INPP5A: variants seen among roughly 807,000 people sequenced by gnomAD.
INPP5A encodes the protein 43 kDa inositol polyphosphate 5-phophatase.
INPP5A carries 14 observed loss-of-function variants against 65.2 expected under a neutral mutation model. The ratio of observed to expected loss-of-function variants is 0.21; its 90% confidence interval spans 0.14 to 0.34. The LOEUF (loss-of-function observed/expected upper bound fraction) is 0.34. Among genes scored for constraint, INPP5A ranks in the 10% least tolerant of loss-of-function variants. The pLI, the probability that INPP5A is intolerant of heterozygous loss-of-function variation, is 1.00. For missense variants in INPP5A, 431 were observed against 545.6 expected (o/e 0.79, Z 2.09); for synonymous variants, 207 against 208.3 (o/e 0.99, Z 0.05).
rs2072999301 is a variant in INPP5A, at chr10:132,678,440, C to T, written c.307-11952C>T. ...TCAAAACAAGGTGTCTTGGGACTTG[C>T]CTTTGTGATAGGGTTAAATGTGTGA... On this transcript the variant is annotated intron_variant, in intron 4 of 15. Coordinates refer to ENST00000368594, the MANE Select transcript of INPP5A (RefSeq NM_005539.5). The surrounding 1 kb of genome is among the most constrained non-coding windows in gnomAD (Gnocchi z 4.1). Among the ~76,000 whole-genome samples, 4 of 152,076 alleles carry T rather than the reference C, an allele frequency of 2.6e-5. No homozygotes were observed. In the South Asian group the frequency reaches 6.3e-4, roughly 24 times the overall value.
intron 1 of INPP5A, among the ~76,000 whole-genome samples, chr10:132,572,274 C>CTGGCAAGATGCCCCTGG (rs201503388): frequency 1.4e-4 from 21 of 152,268 alleles, no homozygotes; most frequent in Middle Eastern, 3.4e-3. Context: ...AGTTTCTCAG[C>CTGGCAAGATGCCCCTGG]TGGCAAGATG....
At chr10:132,768,381 G>A (rs1319120629) in intron 12 of INPP5A, among the ~76,000 whole-genome samples, 4 of 151,186 alleles carry the variant, frequency 2.6e-5, no homozygotes, top group East Asian at 3.9e-4. Flanking sequence ...GTGCTCACGC[G>A]CCCAGTGGCA....
rs1419004874 is a variant in INPP5A, at chr10:132,651,451, G to C, written c.306+946G>C. On this transcript the variant is annotated intron_variant, in intron 4 of 15. Coordinates refer to ENST00000368594, the MANE Select transcript of INPP5A (RefSeq NM_005539.5). The surrounding 1 kb of genome is among the most constrained non-coding windows in gnomAD (Gnocchi z 5.0). ...TCTCCCCCGTCTCTGGGGAGGCCCT[G>C]GGTCCCCCGGCTTGGGTCCATCTCC... 6.8e-6 allele frequency among the ~76,000 whole-genome samples: 1 copy of C among 147,410 alleles called. No individual in the cohort carries two copies. Among genetic ancestry groups the C allele is most frequent in the Non-Finnish European group, 1.5e-5 (1 of 66,190 alleles).
At chr10:132,763,526 T>C (rs1381591128) in intron 11 of INPP5A, among the ~76,000 whole-genome samples, 1 of 151,968 alleles carries the variant, frequency 6.6e-6, no homozygotes, top group Non-Finnish European at 1.5e-5. Context: ...CATAAACACG[T>C]GCCTGCATGC....
intron 1 of INPP5A, among the ~76,000 whole-genome samples, chr10:132,606,867 AC>A (rs2133339345): frequency 6.6e-6 from 1 of 152,182 alleles, no homozygotes; most frequent in South Asian, 2.1e-4. Context: ...TAAATTTACC[AC>A]CTTAACCGTT....
chr10:132,730,874 CTTCAT>C (rs775464805), intron 9 of INPP5A, among the ~76,000 whole-genome samples: 4 of 152,228 alleles, frequency 2.6e-5, no homozygotes, highest in Non-Finnish European at 4.4e-5. Flanking sequence ...CGATTTTTCA[CTTCAT>C]TTCATTTTAA....
chr10:132,671,960 CAG>C (rs1228839818), intron 4 of INPP5A, among the ~76,000 whole-genome samples: 9 of 152,240 alleles, frequency 5.9e-5, no homozygotes, highest in Admixed American at 1.3e-4. Flanking sequence ...GGGTGGTGCT[CAG>C]GGTGGACAGC....
intron 1 of INPP5A, among the ~76,000 whole-genome samples, chr10:132,573,766 G>GGT (rs1225341972): frequency 8.9e-6 from 1 of 112,436 alleles, no homozygotes; most frequent in African/African-American, 3.7e-5. Context: ...GAGATGTTGG[G>GGT]GTGTGTGTGC....
Position 132,614,789 on chromosome 10 carries a change from A to G in INPP5A, c.117+6833A>G, listed in dbSNP as rs75594105. On this transcript the variant is annotated intron_variant, in intron 2 of 15. Transcript: ENST00000368594. Reference sequence around the variant, plus strand: ...CAAGGAGAGGACTCCATCCCCATGAATGCAATCAGTGCCCTGAAAGAAGAG... The same window carrying G: ...CAAGGAGAGGACTCCATCCCCATGAGTGCAATCAGTGCCCTGAAAGAAGAG... 1.1e-3 allele frequency among the ~76,000 whole-genome samples: 175 copies of G among 152,352 alleles called. 3 individuals are homozygous for G. The East Asian group carries it at 0.031, about 27-fold the overall frequency.
chr10:132,589,491 C>T (rs1428034791), intron 1 of INPP5A, among the ~76,000 whole-genome samples: 2 of 152,276 alleles, frequency 1.3e-5, no homozygotes, highest in Non-Finnish European at 2.9e-5. Context: ...CCCTCCTGTC[C>T]TTCCTCAGGC....
intron 4 of INPP5A, among the ~76,000 whole-genome samples, chr10:132,689,698 A>G (rs751014849): frequency 6.6e-6 from 1 of 152,254 alleles, no homozygotes; most frequent in Non-Finnish European, 1.5e-5. Context: ...TGTAGAAAAT[A>G]CCACGTGAAA....
At position 132,644,489 on chromosome 10, in the gene INPP5A, G is replaced by T. The variant is rs2072467207; in HGVS notation, c.118-1379G>T. ...GTCGTCCCTTGCTGGCTGCCCACTTGCTCAGCTGCGCCCTGGACCGTGGCC... is the reference window on the plus strand; with the variant it reads ...GTCGTCCCTTGCTGGCTGCCCACTTTCTCAGCTGCGCCCTGGACCGTGGCC... On this transcript the variant is annotated intron_variant, in intron 2 of 15. Coordinates refer to ENST00000368594, the MANE Select transcript of INPP5A (RefSeq NM_005539.5). This position sits in a 1 kb window ranked among gnomAD's most constrained non-coding sequence, Gnocchi z 6.5. 6.6e-6 allele frequency among the ~76,000 whole-genome samples: 1 copy of T among 152,244 alleles called. No individual in the cohort carries two copies. Among genetic ancestry groups the T allele is most frequent in the African/African-American group, 2.4e-5 (1 of 41,452 alleles).
At chr10:132,760,142 C>T (rs1846705749) in intron 11 of INPP5A, among the ~76,000 whole-genome samples, 2 of 152,246 alleles carry the variant, frequency 1.3e-5, no homozygotes, top group South Asian at 2.1e-4. Context: ...CCTCTGCTCA[C>T]ATGCCCAGCC....
chr10:132,733,740 G>A (rs966104368), intron 9 of INPP5A, among the ~76,000 whole-genome samples: 7 of 152,128 alleles, frequency 4.6e-5, no homozygotes, highest in Admixed American at 1.3e-4. Flanking sequence ...GCGTGTGAAC[G>A]GGGTGATATT....
chr10:132,664,450 CACCTG>C (rs1477722173), intron 4 of INPP5A, among the ~76,000 whole-genome samples: 6 of 152,238 alleles, frequency 3.9e-5, no homozygotes, highest in African/African-American at 1.4e-4. Context: ...GCCTGGAGGG[CACCTG>C]ACCTGCTCTT....
At chr10:132,648,609 C>A (rs1237217510) in intron 3 of INPP5A, among the ~76,000 whole-genome samples, 2 of 152,196 alleles carry the variant, frequency 1.3e-5, no homozygotes, top group Admixed American at 1.3e-4. Context: ...TGAAAAAGGT[C>A]TTTGTCCTCA....
rs1315788697 is a variant in INPP5A, at chr10:132,698,822, GAGCTGT to G, written c.474+904_474+909del. On this transcript the variant is annotated intron_variant, in intron 6 of 15. Transcript: ENST00000368594. This position sits in a 1 kb window ranked among gnomAD's most constrained non-coding sequence, Gnocchi z 5.5. Reference sequence around the variant, plus strand: ...TTGCTCTGCGGTCCTGTCTCCACGAGAGCTGTGCAGGCTGAGGCTGCTACGGAGCTG... The same window carrying G: ...TTGCTCTGCGGTCCTGTCTCCACGAGGCAGGCTGAGGCTGCTACGGAGCTG... Among the ~76,000 whole-genome samples, 2 of 152,246 alleles carry G rather than the reference GAGCTGT, an allele frequency of 1.3e-5. No individual in the cohort carries two copies. The highest frequency in any genetic ancestry group is 2.9e-5 in the Non-Finnish European group (2 of 68,050).
At chr10:132,586,118 C>T (rs771629648) in intron 1 of INPP5A, among the ~76,000 whole-genome samples, 4 of 152,204 alleles carry the variant, frequency 2.6e-5, no homozygotes, top group South Asian at 2.1e-4. Flanking sequence ...TCTGGAGACC[C>T]GGGCAGAGAC....
At position 132,678,394 on chromosome 10, in the gene INPP5A, TACTC is replaced by T. The variant is rs1163207624; in HGVS notation, c.307-11996_307-11993del. On this transcript the variant is annotated intron_variant, in intron 4 of 15. Transcript: ENST00000368594. This position sits in a 1 kb window ranked among gnomAD's most constrained non-coding sequence, Gnocchi z 4.1. ...TTATTATAACTTTGCTTTGATTTAT[TACTC>T]AATCTGTTAAATTGTTTCAAAACAA... Among the ~76,000 whole-genome samples, 1 of 152,254 alleles carries T rather than the reference TACTC, an allele frequency of 6.6e-6. No homozygotes were observed. Among genetic ancestry groups the T allele is most frequent in the Non-Finnish European group, 1.5e-5 (1 of 68,038 alleles).
Sources: allele counts gnomAD v4.1 joint callset (sites outside exome capture counted in the v4.1 genomes callset), GRCh38; gene constraint gnomAD v4.1.1; non-coding constraint Gnocchi (gnomAD v3.1); transcripts MANE v1.5; gene names NCBI Gene and HGNC (gene_info 2026-07-23, HGNC 2026-07-21).